The following NIPAL2 variants were observed in gnomAD, a reference collection of about 807,000 sequenced individuals.
The protein encoded by NIPAL2 is NIPA like domain containing 2.
Under a neutral mutation model 48.9 loss-of-function variants are expected in NIPAL2, and 43 were observed. That is an observed-to-expected ratio of 0.88 (90% CI 0.69 to 1.13). The LOEUF is 1.13. Ranked by LOEUF, NIPAL2 falls within the 50% of genes most tolerant of loss-of-function variation. The pLI is 0.00. For synonymous variants in NIPAL2, 167 were observed against 174.6 expected (o/e 0.96, Z 0.34); for missense variants, 446 against 461.4 (o/e 0.97, Z 0.31).
chr8:98,240,876 G>C (rs1812947607), intron 3 of NIPAL2, among the ~76,000 whole-genome samples: 1 of 152,128 alleles, frequency 6.6e-6, no homozygotes, highest in Admixed American at 6.5e-5. Flanking sequence ...TTTGAGTGTT[G>C]CTCTGTCCAG....
At chr8:98,285,235 C>T (rs138428896) in intron 1 of NIPAL2, among the ~76,000 whole-genome samples, 61 of 152,168 alleles carry the variant, frequency 4.0e-4, no homozygotes, top group South Asian at 6.2e-4. Context: ...CCCATGAAGA[C>T]AAAAATCCAT....
chr8:98,198,352 AT>A (rs1195432938), intron 8 of NIPAL2, among the ~76,000 whole-genome samples: 1 of 152,220 alleles, frequency 6.6e-6, no homozygotes, highest in Non-Finnish European at 1.5e-5. Context: ...GGCAGAGTAG[AT>A]TTAGCATAAT....
chr8:98,199,326 T>TATTAAG (rs1325529388), intron 8 of NIPAL2, among the ~76,000 whole-genome samples: 8 of 152,214 alleles, frequency 5.3e-5, no homozygotes, highest in Non-Finnish European at 1.0e-4. Context: ...TTTCAGCCTA[T>TATTAAG]CTTGGCTTTT....
intron 1 of NIPAL2, among the ~76,000 whole-genome samples, chr8:98,271,708 T>C (rs962648101): frequency 6.6e-6 from 1 of 152,114 alleles, no homozygotes; most frequent in Non-Finnish European, 1.5e-5. Flanking sequence ...CTGATTGCTG[T>C]GGATAGGACT....
intron 8 of NIPAL2, among the ~76,000 whole-genome samples, chr8:98,199,587 G>A (rs1354635361): frequency 6.6e-6 from 1 of 152,130 alleles, no homozygotes; most frequent in African/African-American, 2.4e-5. Context: ...GTCTTACACA[G>A]GTGCAGTTTG....
At chr8:98,209,820 C>T (rs1244609531) in intron 6 of NIPAL2, among the ~76,000 whole-genome samples, 1 of 151,992 alleles carries the variant, frequency 6.6e-6, no homozygotes, top group Non-Finnish European at 1.5e-5. Context: ...CTTCTTATGT[C>T]CTCAAATAGT....
At chr8:98,250,771 T>A (rs967899349) in intron 3 of NIPAL2, among the ~76,000 whole-genome samples, 2 of 152,080 alleles carry the variant, frequency 1.3e-5, no homozygotes, top group African/African-American at 2.4e-5. Context: ...TTGGGGAGAA[T>A]AGGACATTCT....
chr8:98,282,729 C>A (rs1815916330), intron 1 of NIPAL2, among the ~76,000 whole-genome samples: 1 of 152,136 alleles, frequency 6.6e-6, no homozygotes, highest in Non-Finnish European at 1.5e-5. Flanking sequence ...ACATTGGAGA[C>A]AATCTGAACT....
intron 1 of NIPAL2, among the ~76,000 whole-genome samples, chr8:98,255,255 T>C (rs143491361): frequency 1.8e-3 from 270 of 152,348 alleles, no homozygotes; most frequent in African/African-American, 6.4e-3. Context: ...TTTCAAAAGA[T>C]GCATTTGTTG....
At chr8:98,248,272 T>G (rs1813404866) in intron 3 of NIPAL2, among the ~76,000 whole-genome samples, 1 of 152,240 alleles carries the variant, frequency 6.6e-6, no homozygotes, top group Non-Finnish European at 1.5e-5. Context: ...TTTCTTGAAT[T>G]GGTTTCTCCA....
At chr8:98,230,904 G>T (rs1812409980) in intron 4 of NIPAL2, among the ~76,000 whole-genome samples, 1 of 152,140 alleles carries the variant, frequency 6.6e-6, no homozygotes, top group Admixed American at 6.5e-5. Context: ...CTTTCCAGCT[G>T]GATGCTACTT....
intron 7 of NIPAL2, among the ~76,000 whole-genome samples, chr8:98,203,846 CTGTGTGTGTGTGTG>C (rs143170810): frequency 1.4e-5 from 2 of 146,726 alleles, no homozygotes; most frequent in Admixed American, 1.4e-4. Flanking sequence ...TGGGTAGAGC[CTGTGTGTGTGTGTG>C]TGTGTGTGTG....
At chr8:98,281,465 G>T (rs944780614) in intron 1 of NIPAL2, among the ~76,000 whole-genome samples, 13 of 152,080 alleles carry the variant, frequency 8.5e-5, no homozygotes, top group African/African-American at 2.9e-4. Context: ...TAACTTAAAT[G>T]TGCCTTTAAA....
intron 8 of NIPAL2, among the ~76,000 whole-genome samples, chr8:98,200,221 T>C (rs1810737442): frequency 6.6e-6 from 1 of 152,210 alleles, no homozygotes; most frequent in African/African-American, 2.4e-5. Context: ...ATAAGTAGGT[T>C]CATACTGTTT....
chr8:98,252,209 G>T, intron 3 of NIPAL2: 1 of 393,108 alleles, frequency 2.5e-6, no homozygotes, highest in Non-Finnish European at 4.5e-6. Flanking sequence ...TTCTGTCACC[G>T]TTAATTTATT....
intron 2 of NIPAL2, 118 bp from the exon 3 acceptor site, chr8:98,252,752 T>C: frequency 1.1e-6 from 1 of 881,058 alleles, no homozygotes; most frequent in Non-Finnish European, 1.7e-6. Context: ...TTTTTGTATT[T>C]TTTTTTAAGA....
chr8:98,234,042 T>C (rs1171964626), intron 4 of NIPAL2, among the ~76,000 whole-genome samples: 1 of 152,208 alleles, frequency 6.6e-6, no homozygotes, highest in African/African-American at 2.4e-5. Flanking sequence ...CATTTTGGAA[T>C]GTTTGGAGAC....
chr8:98,256,737 G>A (rs138026408), intron 1 of NIPAL2, among the ~76,000 whole-genome samples: 178 of 152,262 alleles, frequency 1.2e-3, no homozygotes, highest in African/African-American at 4.0e-3. Flanking sequence ...GGAAAATGGC[G>A]TGGAGATTCC....
At chr8:98,276,461 A>C (rs1815471229) in intron 1 of NIPAL2, among the ~76,000 whole-genome samples, 1 of 152,136 alleles carries the variant, frequency 6.6e-6, no homozygotes, top group African/African-American at 2.4e-5. Flanking sequence ...TTATCTATTC[A>C]GCTACTGAAG....
Sources: allele counts gnomAD v4.1 joint callset (sites outside exome capture counted in the v4.1 genomes callset), GRCh38; gene constraint gnomAD v4.1.1; transcripts MANE v1.5; gene names NCBI Gene and HGNC (gene_info 2026-07-23, HGNC 2026-07-21).